GRID2: variants seen among roughly 807,000 people sequenced by gnomAD.
GRID2 encodes the protein glutamate receptor ionotropic, delta-2.
GRID2 carries 33 observed loss-of-function variants against 114.8 expected under a neutral mutation model. The ratio of observed to expected loss-of-function variants is 0.29; its 90% CI spans 0.22 to 0.38. The LOEUF is 0.38. Among genes scored for constraint, GRID2 ranks in the 10% least tolerant of loss-of-function variants. The pLI is 1.00. For synonymous variants in GRID2, 505 were observed against 449.9 expected (o/e 1.12, Z -1.55); for missense variants, 1,184 against 1,257.7 (o/e 0.94, Z 0.89).
chr4:93,590,390 CTCTGT>C (rs1057188326), intron 13 of GRID2, among the ~76,000 whole-genome samples: 1 of 149,364 alleles, frequency 6.7e-6, no homozygotes, highest in Non-Finnish European at 1.5e-5. Context: ...TTTCTGAGGG[CTCTGT>C]TCTGTTCCAT....
At chr4:93,409,390 G>T (rs1766875936) in intron 9 of GRID2, among the ~76,000 whole-genome samples, 1 of 152,080 alleles carries the variant, frequency 6.6e-6, no homozygotes, top group Non-Finnish European at 1.5e-5. Context: ...CTGTATTGGG[G>T]GTAGTGTCAG....
intron 4 of GRID2, among the ~76,000 whole-genome samples, chr4:93,155,670 T>C (rs1017112435): frequency 6.6e-6 from 1 of 151,726 alleles, no homozygotes; most frequent in Non-Finnish European, 1.5e-5. Flanking sequence ...TGGAGATACA[T>C]GTACAAATAA....
At chr4:93,238,621 G>A in intron 8 of GRID2, 131 bp downstream of exon 8, 3 of 583,494 alleles carry the variant, frequency 5.1e-6, no homozygotes, top group Non-Finnish European at 8.6e-6. Context: ...AGGGGGTGAG[G>A]GGAAATTAGG....
chr4:93,619,110 T>A (rs1578413341), intron 13 of GRID2, among the ~76,000 whole-genome samples: 4 of 152,306 alleles, frequency 2.6e-5, no homozygotes, highest in Middle Eastern at 6.8e-3. Context: ...TTGTGCCCTA[T>A]GATAACTATG....
intron 8 of GRID2, among the ~76,000 whole-genome samples, chr4:93,383,155 C>G (rs986275666): frequency 6.6e-6 from 1 of 152,068 alleles, no homozygotes; most frequent in Non-Finnish European, 1.5e-5. Context: ...CCATTTAAAT[C>G]CCCTGGAAAT....
intron 2 of GRID2, among the ~76,000 whole-genome samples, chr4:92,774,454 G>C (rs968995996): frequency 6.6e-6 from 1 of 151,938 alleles, no homozygotes; most frequent in Non-Finnish European, 1.5e-5. Flanking sequence ...CATTGATACA[G>C]AATGCTACTG....
intron 1 of GRID2, among the ~76,000 whole-genome samples, chr4:92,344,849 G>C (rs1320075863): frequency 6.6e-6 from 1 of 152,050 alleles, no homozygotes; most frequent in Non-Finnish European, 1.5e-5. Flanking sequence ...ACTAAGGCTG[G>C]CCTTTTTTGA....
intron 1 of GRID2, among the ~76,000 whole-genome samples, chr4:92,352,117 G>A (rs1036287188): frequency 3.3e-5 from 5 of 151,790 alleles, no homozygotes; most frequent in African/African-American, 9.7e-5. Flanking sequence ...CCCATCAACA[G>A]TGTATTAGAT....
At chr4:92,428,942 T>C (rs567319686) in intron 1 of GRID2, among the ~76,000 whole-genome samples, 1 of 152,280 alleles carries the variant, frequency 6.6e-6, no homozygotes, top group South Asian at 2.1e-4. Context: ...GGTATACATG[T>C]GCCATGGTGG....
chr4:92,919,922 T>C (rs1749162873), intron 2 of GRID2, among the ~76,000 whole-genome samples: 1 of 152,172 alleles, frequency 6.6e-6, no homozygotes, highest in South Asian at 2.1e-4. Flanking sequence ...TTCTGTCTCA[T>C]TGATCTGTCT....
chr4:92,449,995 A>C (rs898430225), intron 1 of GRID2, among the ~76,000 whole-genome samples: 4 of 151,920 alleles, frequency 2.6e-5, no homozygotes, highest in African/African-American at 9.7e-5. Context: ...ATTCATCTTG[A>C]TTCAGCGTTT....
intron 1 of GRID2, among the ~76,000 whole-genome samples, chr4:92,373,636 T>G (rs1472796394): frequency 6.6e-6 from 1 of 152,230 alleles, no homozygotes; most frequent in Non-Finnish European, 1.5e-5. Context: ...ATCACTGGAT[T>G]GTAAACTCCA....
intron 2 of GRID2, among the ~76,000 whole-genome samples, chr4:92,740,319 A>G (rs1736811787): frequency 6.6e-6 from 1 of 152,144 alleles, no homozygotes; most frequent in Non-Finnish European, 1.5e-5. Flanking sequence ...GCCTTTCTGC[A>G]TTTTTCTTTA....
intron 11 of GRID2, among the ~76,000 whole-genome samples, chr4:93,485,571 A>T (rs1361225259): frequency 1.3e-5 from 2 of 151,726 alleles, no homozygotes; most frequent in African/African-American, 4.8e-5. Context: ...GAGTTAAGAG[A>T]CAAGTTTCAT....
At chr4:93,464,637 CT>C (rs1307929846) in intron 11 of GRID2, among the ~76,000 whole-genome samples, 1 of 152,084 alleles carries the variant, frequency 6.6e-6, no homozygotes, top group African/African-American at 2.4e-5. Flanking sequence ...CATTATGTAT[CT>C]CATTATATAT....
intron 2 of GRID2, among the ~76,000 whole-genome samples, chr4:92,626,943 AG>A (rs1730552619): frequency 6.6e-6 from 1 of 152,114 alleles, no homozygotes; most frequent in Non-Finnish European, 1.5e-5. Flanking sequence ...TCAGGAGAAA[AG>A]GGAAACATAA....
chr4:92,717,499 C>A (rs1208661884), intron 2 of GRID2, among the ~76,000 whole-genome samples: 1 of 152,118 alleles, frequency 6.6e-6, no homozygotes, highest in Non-Finnish European at 1.5e-5. Flanking sequence ...AATATGCTAA[C>A]CCATTTAGTT....
At chr4:93,369,766 G>A (rs1040852177) in intron 8 of GRID2, among the ~76,000 whole-genome samples, 1 of 152,150 alleles carries the variant, frequency 6.6e-6, no homozygotes, top group Non-Finnish European at 1.5e-5. Flanking sequence ...TGGGATTACA[G>A]GTATAAGCCA....
At chr4:93,574,148 C>T (rs1187403514) in intron 13 of GRID2, among the ~76,000 whole-genome samples, 1 of 152,130 alleles carries the variant, frequency 6.6e-6, no homozygotes, top group East Asian at 1.9e-4. Flanking sequence ...CTATTCAATG[C>T]CCATCTTTCC....
Sources: allele counts gnomAD v4.1 joint callset (sites outside exome capture counted in the v4.1 genomes callset), GRCh38; gene constraint gnomAD v4.1.1; transcripts MANE v1.5; gene names NCBI Gene and HGNC (gene_info 2026-07-23, HGNC 2026-07-21).